Variants in BPIFB4 observed in about 807,000 individuals in gnomAD.
BPIFB4 encodes the protein BPI fold-containing family B member 4.
BPIFB4 carries 62 observed loss-of-function variants against 69.2 expected under a neutral mutation model. That is an observed-to-expected ratio of 0.90 (90% CI 0.73 to 1.11). The LOEUF is 1.11. Among genes scored for constraint, BPIFB4 ranks in the 50% least tolerant of loss-of-function variants. The pLI is 0.00. For missense variants in BPIFB4, 789 were observed against 792.0 expected, an observed-to-expected ratio of 1.00 and a Z score of 0.04; for synonymous variants, 330 against 332.7, an observed-to-expected ratio of 0.99 and a Z score of 0.09.
At chr20:33,109,011 T>A (rs141641397) in intron 17 of BPIFB4, among the ~76,000 whole-genome samples, 1 of 152,144 alleles carries the variant, frequency 6.6e-6, no homozygotes, top group East Asian at 1.9e-4. Context: ...AGGGAGTCAG[T>A]CAAGGGAGGT....
chr20:33,092,990 A>G (rs973979889), intron 11 of BPIFB4, among the ~76,000 whole-genome samples: 13 of 152,198 alleles, frequency 8.5e-5, no homozygotes, highest in African/African-American at 2.2e-4. Flanking sequence ...GAATGTTTTC[A>G]TTTGGTAAAC....
intron 16 of BPIFB4, among the ~76,000 whole-genome samples, chr20:33,105,414 GC>G (rs1249987282): frequency 6.6e-6 from 1 of 152,110 alleles, no homozygotes; most frequent in Non-Finnish European, 1.5e-5. Flanking sequence ...CCCAGAATCT[GC>G]CCCCCTAGGG....
chr20:33,087,943 C>G (rs1195416649), intron 7 of BPIFB4, among the ~76,000 whole-genome samples: 2 of 152,148 alleles, frequency 1.3e-5, no homozygotes, highest in East Asian at 3.8e-4. Context: ...ATTGGCGCAG[C>G]TCTGAACAGT....
chr20:33,086,104 G>C lies in BPIFB4; in HGVS notation c.866G>C (p.Arg289Pro), dbSNP rs138318222. The C allele has an allele frequency of 4.3e-6, 7 of 1,613,396 alleles. No individual in the cohort carries two copies. The East Asian group carries it at 1.6e-4, about 36-fold the overall frequency. ...ACCATGGACCGCACGGGTTATCCTCGGCTGGTCATTGAGCGATGTGACACC... is the reference window on the plus strand; with the variant it reads ...ACCATGGACCGCACGGGTTATCCTCCGCTGGTCATTGAGCGATGTGACACC... Reference protein sequence around the residue: ...RLTMDRTGYPRLVIERCDTLL... With the variant: ...RLTMDRTGYPPLVIERCDTLL... Residue 289 changes from arginine to proline, a missense_variant, in exon 7 of 18, where the codon CGG becomes CCG. By Grantham distance (103) the Arg-to-Pro change is moderately radical. Coordinates refer to ENST00000375483, the MANE Select transcript of BPIFB4 (RefSeq NM_182519.3).
chr20:33,100,383 G>T, intron 13 of BPIFB4, 43 bp from the exon 14 acceptor site: 1 of 1,514,538 alleles, frequency 6.6e-7, no homozygotes. Context: ...CACTGGCCAA[G>T]ACATGAAGGC....
Position 33,083,412 on chromosome 20 carries a change from C to T in BPIFB4, c.215C>T (p.Pro72Leu). 2 of 1,613,658 alleles carry T rather than the reference C, an allele frequency of 1.2e-6. No homozygotes were observed. Among genetic ancestry groups the T allele is most frequent in the Non-Finnish European group, 1.7e-6 (2 of 1,179,784 alleles). ...AATGACTTCCATGTCCGAGGACCCC[C>T]CCCAGTATATACCAACGGCAAAAAA... ...PYNDFHVRGPPPVYTNGKKLD... is the reference protein window; with the variant it reads ...PYNDFHVRGPLPVYTNGKKLD... The change falls in exon 5 of 18, where the codon CCC becomes CTC. Residue 72 changes from proline to leucine, a missense_variant. By Grantham distance (98) the Pro-to-Leu change is moderately conservative (BLOSUM62 -3). This residue lies in a region of BPIFB4 where 611 missense variants were observed against 575.4 expected (regional missense o/e 1.06). Transcript: ENST00000375483.
rs577818723 is a variant in BPIFB4, at chr20:33,089,492, C to T, written c.991-6C>T. ...AACAAGGCTTTGTGCCATTTCTCCC[C>T]TGCAGCTCTGCCCCATCGTGGATGT... On this transcript the variant is annotated splice_polypyrimidine_tract_variant and splice_region_variant and intron_variant, in intron 8 of 17. Coordinates refer to ENST00000375483, the MANE Select transcript of BPIFB4 (RefSeq NM_182519.3). 3.1e-6 allele frequency: 5 copies of T among 1,614,238 alleles called. No homozygotes were observed. In the East Asian group the frequency reaches 8.9e-5, roughly 29 times the overall value.
intron 13 of BPIFB4, among the ~76,000 whole-genome samples, chr20:33,098,711 C>T (rs1018195535): frequency 4.0e-5 from 6 of 148,874 alleles, no homozygotes; most frequent in South Asian, 4.3e-4. Flanking sequence ...CACCACTGCA[C>T]TCCAGCCCGG....
intron 4 of BPIFB4, 83 bp from the exon 5 acceptor site, chr20:33,083,284 G>A (rs1396682235): frequency 2.4e-5 from 29 of 1,187,720 alleles, no homozygotes; most frequent in Non-Finnish European, 3.2e-5. Context: ...GTAGAGGGGG[G>A]CTGCTGGGTG....
At chr20:33,105,039 A>C (rs1452246189) in intron 16 of BPIFB4, among the ~76,000 whole-genome samples, 166 bp downstream of exon 16, 1 of 152,132 alleles carries the variant, frequency 6.6e-6, no homozygotes, top group African/African-American at 2.4e-5. Context: ...GTGGCCCCCA[A>C]AGTTCCAGCA....
chr20:33,083,281 G>A, intron 4 of BPIFB4, 86 bp from the exon 5 acceptor site: 1 of 1,272,144 alleles, frequency 7.9e-7, no homozygotes, highest in Non-Finnish European at 1.1e-6. Flanking sequence ...GCAGTAGAGG[G>A]GGGCTGCTGG....
Position 33,083,543 on chromosome 20 carries a change from A to G in BPIFB4, c.346A>G (p.Arg116Gly). 6.2e-7 allele frequency: 1 copy of G among 1,614,042 alleles called. No individual in the cohort carries two copies. The highest frequency in any genetic ancestry group is 1.7e-5 in the Admixed American group (1 of 60,028). ...GEILESEGSI[R>G]DLRNSGYRSA... The stretch of plus-strand genomic sequence containing the variant: ...GATCCTTGAGTCCGAGGGAAGCATC[A>G]GGGACCTCCGAAACAGTGGCTATCG... Residue 116 changes from arginine (R) to glycine (G), a missense_variant, in exon 5 of 18, where the codon AGG (arginine) becomes GGG (glycine). Arg to Gly is a moderately radical substitution (Grantham distance 125). This residue lies in a region of BPIFB4 where 611 missense variants were observed against 575.4 expected (regional missense o/e 1.06). Transcript: ENST00000375483.
chr20:33,091,463 G>A (rs1981597725), intron 10 of BPIFB4, among the ~76,000 whole-genome samples: 1 of 152,230 alleles, frequency 6.6e-6, no homozygotes, highest in African/African-American at 2.4e-5. Context: ...TTTGTATGGG[G>A]CACGCACACA....
At position 33,083,607 on chromosome 20, in the gene BPIFB4, G is replaced by C. The variant is rs1168931792; in HGVS notation, c.410G>C (p.Gly137Ala). The C allele has an allele frequency of 3.1e-6, 5 of 1,613,936 alleles. No individual in the cohort carries two copies. The Admixed American group carries it at 8.3e-5, about 27-fold the overall frequency. The change falls in exon 5 of 18, where the codon GGG becomes GCG. Residue 137 changes from glycine to alanine, a missense_variant. Physicochemically the swap from Gly to Ala is moderately conservative, Grantham distance 60. Coordinates refer to ENST00000375483, the MANE Select transcript of BPIFB4 (RefSeq NM_182519.3). ...ENAYGGHRGL[G>A]RYRAAPVGRL... is the part of the protein sequence containing the mutation. Reference sequence around the variant, plus strand: ...GCATATGGAGGCCACAGGGGCCTCGGGCGATACAGGGCAGCACCTGTGGGC... The same window carrying C: ...GCATATGGAGGCCACAGGGGCCTCGCGCGATACAGGGCAGCACCTGTGGGC...
Position 33,083,644 on chromosome 20 carries a change from G to A in BPIFB4, c.447G>A (p.Arg149=), listed in dbSNP as rs1981321820. 6.2e-7 allele frequency: 1 copy of A among 1,614,108 alleles called. No individual in the cohort carries two copies. The highest frequency in any genetic ancestry group is 8.5e-7 in the Non-Finnish European group (1 of 1,180,002). The part of the protein sequence containing the change: ...YRAAPVGRLH[R]RELQPGEIPP... ...CAGCACCTGTGGGCAGGCTTCACCG[G>A]CGAGAGCTGCAGCCTGGAGAAATCC... is the stretch of plus-strand genomic sequence containing the variant. The change falls in exon 5 of 18, where the codon CGG becomes CGA. Residue 149 remains arginine, a synonymous_variant. Transcript: ENST00000375483.
intron 17 of BPIFB4, among the ~76,000 whole-genome samples, chr20:33,108,701 A>AG (rs1468298433): frequency 2.0e-5 from 3 of 152,160 alleles, no homozygotes; most frequent in African/African-American, 7.2e-5. Flanking sequence ...TGCTTTTAGG[A>AG]GAAAATGGGA....
chr20:33,099,833 T>A (rs1012674405), intron 13 of BPIFB4, among the ~76,000 whole-genome samples: 33 of 152,198 alleles, frequency 2.2e-4, no homozygotes, highest in Non-Finnish European at 4.3e-4. Flanking sequence ...AGGAGCTTAC[T>A]GTTTTTTCAT....
intron 14 of BPIFB4, 102 bp from the exon 15 acceptor site, chr20:33,102,870 C>T (rs1161419421): frequency 8.5e-6 from 10 of 1,171,870 alleles, no homozygotes; most frequent in South Asian, 4.9e-5. Context: ...GGAGAGTGAT[C>T]GTGAGGATAG....
chr20:33,084,447 A>T (rs190269553), intron 5 of BPIFB4, among the ~76,000 whole-genome samples: 56 of 152,322 alleles, frequency 3.7e-4, no homozygotes, highest in Non-Finnish European at 1.6e-4. Flanking sequence ...AAGTTCATGG[A>T]GAAGTAAGAA....
Sources: allele counts gnomAD v4.1 joint callset (sites outside exome capture counted in the v4.1 genomes callset), GRCh38; gene constraint gnomAD v4.1.1; regional missense constraint gnomAD v4.1.1; transcripts MANE v1.5; gene names NCBI Gene and HGNC (gene_info 2026-07-23, HGNC 2026-07-21).